The following SPATA6 variants were observed in gnomAD, a reference collection of about 807,000 sequenced individuals.
SPATA6 encodes spermatogenesis-associated protein 6.
In SPATA6, 56 loss-of-function variants were observed where a neutral mutation model predicts 65.3. That is an observed-to-expected ratio of 0.86 (90% CI 0.69 to 1.07). The LOEUF is 1.07. Among genes scored for constraint, SPATA6 ranks in the 50% least tolerant of loss-of-function variants. The pLI, the probability that SPATA6 is intolerant of heterozygous loss-of-function variation, is 0.00. For missense variants in SPATA6, 590 were observed against 594.8 expected, an observed-to-expected ratio of 0.99 and a Z score of 0.08; for synonymous variants, 199 against 213.2, an observed-to-expected ratio of 0.93 and a Z score of 0.58.
At chr1:48,432,695 A>G (rs1043081229) in intron 3 of SPATA6, among the ~76,000 whole-genome samples, 11 of 152,230 alleles carry the variant, frequency 7.2e-5, no homozygotes, top group African/African-American at 2.7e-4. Context: ...GTAAAATGAT[A>G]CAGCTACAAT....
intron 11 of SPATA6, among the ~76,000 whole-genome samples, chr1:48,352,903 CAAAAAAAAA>C (rs35929341): frequency 2.2e-5 from 3 of 133,342 alleles, no homozygotes; most frequent in Non-Finnish European, 4.7e-5. Context: ...CTTTTAAATA[CAAAAAAAAA>C]AAAAAAAAAT....
At chr1:48,329,967 G>A (rs1050568066) in intron 11 of SPATA6, among the ~76,000 whole-genome samples, 1 of 152,204 alleles carries the variant, frequency 6.6e-6, no homozygotes, top group Non-Finnish European at 1.5e-5. Context: ...GAACTTCTGA[G>A]TCCAAGAGGA....
intron 11 of SPATA6, among the ~76,000 whole-genome samples, chr1:48,311,187 C>G (rs1455820058): frequency 6.6e-6 from 1 of 151,930 alleles, no homozygotes; most frequent in East Asian, 1.9e-4. Flanking sequence ...AAACCAAATC[C>G]AAAACAAGTA....
intron 3 of SPATA6, among the ~76,000 whole-genome samples, chr1:48,446,757 T>C (rs1483509660): frequency 6.6e-6 from 1 of 152,100 alleles, no homozygotes; most frequent in Non-Finnish European, 1.5e-5. Context: ...TAGTAATCAG[T>C]AAAACAACCA....
chr1:48,369,152 AG>A (rs2148851807), intron 9 of SPATA6, among the ~76,000 whole-genome samples: 1 of 152,216 alleles, frequency 6.6e-6, no homozygotes, highest in Admixed American at 6.5e-5. Flanking sequence ...GTCCTCTGGA[AG>A]TTTTGTCTCA....
chr1:48,469,632 T>C (rs1393459438), intron 1 of SPATA6, among the ~76,000 whole-genome samples: 1 of 152,096 alleles, frequency 6.6e-6, no homozygotes, highest in Admixed American at 6.5e-5. Context: ...TATCATGTTA[T>C]AGTCTTGAAC....
At chr1:48,460,149 A>G (rs528818137) in intron 1 of SPATA6, among the ~76,000 whole-genome samples, 2 of 151,712 alleles carry the variant, frequency 1.3e-5, no homozygotes, top group Non-Finnish European at 2.9e-5. Flanking sequence ...TTTTTTTTTC[A>G]GAGATGGGGT....
At chr1:48,437,487 ACT>A (rs1655046121) in intron 3 of SPATA6, among the ~76,000 whole-genome samples, 1 of 151,976 alleles carries the variant, frequency 6.6e-6, no homozygotes. Flanking sequence ...GCTGTGACTA[ACT>A]CTTTTTATCT....
intron 11 of SPATA6, among the ~76,000 whole-genome samples, chr1:48,324,007 C>T (rs575713317): frequency 4.6e-5 from 7 of 152,164 alleles, no homozygotes; most frequent in Admixed American, 3.9e-4. Flanking sequence ...TGGAGGACAG[C>T]GGTGTGATCA....
At chr1:48,269,886 T>C in the SPATA6 span, among the ~76,000 whole-genome samples, 7 of 151,654 alleles carry the variant, frequency 4.6e-5, no homozygotes, top group Non-Finnish European at 8.8e-5. Flanking sequence ...TAATTTTACC[T>C]TTAAAAAAAA....
intron 1 of SPATA6, among the ~76,000 whole-genome samples, chr1:48,459,155 A>T (rs1657228321): frequency 1.3e-5 from 2 of 149,230 alleles, no homozygotes; most frequent in Non-Finnish European, 3.0e-5. Context: ...CAGTGAGACA[A>T]GATCGCACCA....
chr1:48,457,931 G>T (rs1657132809), intron 1 of SPATA6, among the ~76,000 whole-genome samples: 1 of 151,588 alleles, frequency 6.6e-6, no homozygotes, highest in Non-Finnish European at 1.5e-5. Context: ...AACTGTGCTG[G>T]TGTACTTATA....
At chr1:48,363,104 C>A (rs955322465) in intron 9 of SPATA6, among the ~76,000 whole-genome samples, 2 of 152,040 alleles carry the variant, frequency 1.3e-5, no homozygotes, top group Non-Finnish European at 2.9e-5. Flanking sequence ...AATGGGAACA[C>A]AGCTTGAATG....
chr1:48,300,409 A>C (rs1644909320), intron 12 of SPATA6, among the ~76,000 whole-genome samples: 1 of 152,174 alleles, frequency 6.6e-6, no homozygotes, highest in African/African-American at 2.4e-5. Context: ...AATAATGAAT[A>C]ACAATATTGA....
Position 48,359,730 on chromosome 1 carries a change from A to G in SPATA6, c.950T>C (p.Leu317Ser), listed in dbSNP as rs754025915. ...TPHGRDFDDS[L>S]EKCEEYLSPR... ...GCTCAAATACTCTTCACATTTTTCT[A>G]AAGAGTCATCGAAGTCTCTCCCATG... Residue 317 changes from leucine (L) to serine (S), a missense_variant, in exon 10 of 13, where the codon TTA (leucine) becomes TCA (serine). Coordinates refer to ENST00000371847, the MANE Select transcript of SPATA6 (RefSeq NM_019073.4). 2.9e-5 allele frequency: 46 copies of G among 1,613,340 alleles called. No homozygotes were observed. Among genetic ancestry groups the G allele is most frequent in the South Asian group, 2.7e-4 (25 of 91,042 alleles).
At position 48,325,396 on chromosome 1, in the gene SPATA6, A is replaced by G. The variant is rs1418750583; in HGVS notation, c.1195-19518T>C. ...CTTCTCCCTGATTCCTCCAGGCCCA[A>G]GGAGCCAGGGCCCTCCCCCAGCTTC... On this transcript the variant is annotated intron_variant, in intron 11 of 12. Transcript: ENST00000371847. 4.4e-6 allele frequency: 6 copies of G among 1,377,566 alleles called. No individual in the cohort carries two copies. In the East Asian group the frequency reaches 6.9e-5, roughly 16 times the overall value. The allele number at this position is 1,377,566 out of a possible 1,614,324, so 85.3% of individuals were successfully genotyped here.
At chr1:48,368,490 G>A (rs531305981) in intron 9 of SPATA6, among the ~76,000 whole-genome samples, 102 of 152,238 alleles carry the variant, frequency 6.7e-4, no homozygotes, top group Middle Eastern at 3.4e-3. Context: ...GACTTTGTTC[G>A]TTTCTTTTTA....
At chr1:48,469,090 CCT>C (rs916010171) in intron 1 of SPATA6, among the ~76,000 whole-genome samples, 3 of 152,104 alleles carry the variant, frequency 2.0e-5, no homozygotes, top group African/African-American at 7.2e-5. Context: ...GCCTCAGTCC[CCT>C]GAGTAGCTGG....
chr1:48,428,488 T>A (rs1557697970), intron 3 of SPATA6, among the ~76,000 whole-genome samples: 1 of 151,978 alleles, frequency 6.6e-6, no homozygotes, highest in South Asian at 2.1e-4. Context: ...ATAGTCAACA[T>A]GTTTTGTGCA....
Sources: allele counts gnomAD v4.1 joint callset (sites outside exome capture counted in the v4.1 genomes callset), GRCh38; gene constraint gnomAD v4.1.1; transcripts MANE v1.5; gene names NCBI Gene and HGNC (gene_info 2026-07-23, HGNC 2026-07-21).